The following KIAA2012 variants were observed in gnomAD, a reference collection of about 807,000 sequenced individuals.
The protein encoded by KIAA2012 is KIAA2012, also known as uncharacterized protein KIAA2012.
In KIAA2012, 125 loss-of-function variants were observed where a neutral mutation model predicts 150.6. The observed-to-expected ratio is 0.83, with a 90% confidence interval of 0.72 to 0.96. The LOEUF is 0.96. Ranked by LOEUF, KIAA2012 falls within the 40% of genes least tolerant of loss-of-function variation. The probability of loss-of-function intolerance (pLI) is 0.00; values close to 1 mark genes in which losing one functional copy is unlikely to be tolerated. For missense variants in KIAA2012, 1,219 were observed against 1,354.9 expected (o/e 0.90, Z 1.57); for synonymous variants, 462 against 504.7 (o/e 0.92, Z 1.13).
chr2:202,181,203 C>G (rs894309333), intron 15 of KIAA2012, among the ~76,000 whole-genome samples: 4 of 152,186 alleles, frequency 2.6e-5, no homozygotes, highest in East Asian at 1.9e-4. Flanking sequence ...CTCCTGTGCT[C>G]AAGCGATCTG....
At chr2:202,116,461 C>T (rs1690527429) in intron 11 of KIAA2012, 1 of 89,604 alleles carries the variant, frequency 1.1e-5, no homozygotes, top group African/African-American at 5.1e-5. Flanking sequence ...GCCACCATGC[C>T]CGGCTTTTTT....
At chr2:202,133,299 C>T (rs568776548) in intron 12 of KIAA2012, among the ~76,000 whole-genome samples, 2 of 150,920 alleles carry the variant, frequency 1.3e-5, no homozygotes, top group African/African-American at 2.4e-5. Context: ...GGGTTTCTCG[C>T]GTGGTTGACA....
intron 8 of KIAA2012, among the ~76,000 whole-genome samples, chr2:202,105,321 G>C (rs950374949): frequency 6.6e-6 from 1 of 152,206 alleles, no homozygotes; most frequent in East Asian, 1.9e-4. Context: ...CAAGAATCAG[G>C]TAACTGCAGG....
intron 15 of KIAA2012, among the ~76,000 whole-genome samples, chr2:202,166,703 T>C (rs763359806): frequency 6.6e-6 from 1 of 151,540 alleles, no homozygotes; most frequent in Non-Finnish European, 1.5e-5. Context: ...TTTCTCCCCA[T>C]AGGTCTTAAG....
chr2:202,121,237 G>GCCTA (rs1179405280), intron 11 of KIAA2012, among the ~76,000 whole-genome samples: 6 of 152,200 alleles, frequency 3.9e-5, no homozygotes, highest in Non-Finnish European at 8.8e-5. Flanking sequence ...CGGCCTGCCT[G>GCCTA]CCTACCTCTG....
At chr2:202,183,393 C>T (rs891441711) in intron 15 of KIAA2012, among the ~76,000 whole-genome samples, 5 of 135,548 alleles carry the variant, frequency 3.7e-5, no homozygotes, top group East Asian at 2.1e-4. Context: ...GCACTCCAGC[C>T]GGGGCGACAG....
At chr2:202,155,182 T>C (rs1266585714) in intron 14 of KIAA2012, among the ~76,000 whole-genome samples, 1 of 152,226 alleles carries the variant, frequency 6.6e-6, no homozygotes, top group African/African-American at 2.4e-5. Context: ...ATTACTACTA[T>C]AGAGAAGACT....
At chr2:202,156,646 G>A (rs1301321797) in intron 14 of KIAA2012, among the ~76,000 whole-genome samples, 1 of 152,214 alleles carries the variant, frequency 6.6e-6, no homozygotes, top group African/African-American at 2.4e-5. Flanking sequence ...AGCACTTTGG[G>A]AGGCCAAGGC....
chr2:202,098,401 G>A (rs549058353), intron 5 of KIAA2012, among the ~76,000 whole-genome samples: 6 of 152,226 alleles, frequency 3.9e-5, no homozygotes, highest in African/African-American at 1.2e-4. Context: ...AAATACACTG[G>A]GGAAGTGCTG....
intron 13 of KIAA2012, among the ~76,000 whole-genome samples, chr2:202,149,796 C>A (rs912658952): frequency 6.6e-6 from 1 of 152,080 alleles, no homozygotes; most frequent in African/African-American, 2.4e-5. Context: ...GTTAGACTTC[C>A]CAAAGTCTGT....
chr2:202,099,618 G>T lies in KIAA2012; in HGVS notation c.834G>T (p.Thr278=). ...GTGTATCTGTCGTTCCCTAGGACAC[G>T]TCAATAGAGAATCACCTTTGTTTAT... ...WQEDETQAED[T]SIENHLCLYA... Residue 278 remains threonine, a synonymous_variant, in exon 6 of 24, where the codon ACG becomes ACT. Coordinates refer to ENST00000498697, the MANE Select transcript of KIAA2012 (RefSeq NM_001277372.4). The T allele has an allele frequency of 2.6e-6, 4 of 1,549,544 alleles. No homozygotes were observed. Among genetic ancestry groups the T allele is most frequent in the Non-Finnish European group, 3.5e-6 (4 of 1,146,478 alleles).
chr2:202,088,871 AC>A (rs1323726515), intron 2 of KIAA2012, among the ~76,000 whole-genome samples: 1 of 152,052 alleles, frequency 6.6e-6, no homozygotes, highest in African/African-American at 2.4e-5. Flanking sequence ...CATTCCCTCT[AC>A]CACTATATTA....
intron 14 of KIAA2012, among the ~76,000 whole-genome samples, 160 bp from the exon 15 acceptor site, chr2:202,165,124 A>G (rs1398980953): frequency 6.6e-6 from 1 of 152,168 alleles, no homozygotes; most frequent in Non-Finnish European, 1.5e-5. Flanking sequence ...CACTAGTAGC[A>G]GCCTTCCTGG....
At chr2:202,083,539 T>C (rs551989046) in intron 2 of KIAA2012, among the ~76,000 whole-genome samples, 1 of 152,358 alleles carries the variant, frequency 6.6e-6, no homozygotes, top group Non-Finnish European at 1.5e-5. Flanking sequence ...GGCTAGGAGA[T>C]GCCAGCTGTG....
At chr2:202,111,271 C>T (rs946422598) in intron 10 of KIAA2012, among the ~76,000 whole-genome samples, 5 of 146,862 alleles carry the variant, frequency 3.4e-5, no homozygotes, top group African/African-American at 5.1e-5. Context: ...CTGAGGTGGG[C>T]GGATCACAAG....
In KIAA2012 at chr2:202,130,683, A is replaced by G. The variant is rs187717836; in HGVS notation, c.1831+5401A>G. Among the ~76,000 whole-genome samples the G allele has an allele frequency of 2.4e-3, 363 of 152,260 alleles. 1 individual carries two copies. Among genetic ancestry groups the G allele is most frequent in the African/African-American group, 8.0e-3 (331 of 41,522 alleles). ...TGTAATCCCAACACTTTGGGAGGCC[A>G]AGGCAGGAGGATCACTTGAGGTCAG... On this transcript the variant is annotated intron_variant, in intron 12 of 23. Transcript: ENST00000498697.
chr2:202,111,795 G>A (rs1269062027), intron 10 of KIAA2012, among the ~76,000 whole-genome samples: 5 of 152,018 alleles, frequency 3.3e-5, no homozygotes, highest in Non-Finnish European at 7.4e-5. Flanking sequence ...TGTGTATGGG[G>A]GTGTGTGTGC....
At chr2:202,181,002 C>G (rs1294800082) in intron 15 of KIAA2012, among the ~76,000 whole-genome samples, 3 of 152,154 alleles carry the variant, frequency 2.0e-5, no homozygotes, top group African/African-American at 2.4e-5. Flanking sequence ...CAGGGTCCCA[C>G]TCTGTCTTTC....
At position 202,100,503 on chromosome 2, in the gene KIAA2012, G is replaced by T; in HGVS notation, c.1155+54G>T. On this transcript the variant is annotated intron_variant, in intron 7 of 23. Coordinates refer to ENST00000498697, the MANE Select transcript of KIAA2012 (RefSeq NM_001277372.4). ...CAGGAGAGAGAGAGAGGAGGGAAGA[G>T]AGAAAGTTTAATCCTAATCTAGAAA... is the stretch of plus-strand genomic sequence containing the variant. 3 of 1,478,868 alleles carry T rather than the reference G, an allele frequency of 2.0e-6. No individual in the cohort carries two copies. The South Asian group carries it at 4.0e-5, about 20-fold the overall frequency. 91.6% of individuals were successfully genotyped at this position (1,478,868 alleles called of 1,614,324 possible). A position where few individuals can be genotyped will look rare whatever the true frequency, so the allele number is the denominator to read the frequency against.
Sources: allele counts gnomAD v4.1 joint callset (sites outside exome capture counted in the v4.1 genomes callset), GRCh38; gene constraint gnomAD v4.1.1; transcripts MANE v1.5; gene names NCBI Gene and HGNC (gene_info 2026-07-23, HGNC 2026-07-21).